PPP2R1B: variants seen among roughly 807,000 people sequenced by gnomAD.
PPP2R1B encodes the protein serine/threonine-protein phosphatase 2A 65 kDa regulatory subunit A beta isoform.
Under a neutral mutation model 72.7 loss-of-function variants are expected in PPP2R1B, and 58 were observed. That is an observed-to-expected ratio of 0.80 (90% CI 0.65 to 0.99). The LOEUF (loss-of-function observed/expected upper bound fraction) is 0.99. PPP2R1B is among the 50% of genes least tolerant of loss of function. The pLI is 0.00. For synonymous variants in PPP2R1B, 256 were observed against 264.6 expected, an observed-to-expected ratio of 0.97 and a Z score of 0.32; for missense variants, 695 against 733.6, an observed-to-expected ratio of 0.95 and a Z score of 0.61.
chr11:111,761,006 C>T lies in PPP2R1B; in HGVS notation c.352G>A (p.Asp118Asn). 6.2e-7 allele frequency: 1 copy of T among 1,614,184 alleles called. No individual in the cohort carries two copies. The highest frequency in any genetic ancestry group is 8.5e-7 in the Non-Finnish European group (1 of 1,180,036). The change falls in exon 4 of 15, where the codon GAC (aspartate) becomes AAC (asparagine). Residue 118 changes from aspartate (D) to asparagine (N), a missense_variant. Coordinates refer to ENST00000527614, the MANE Select transcript of PPP2R1B (RefSeq NM_002716.5). ...TGTCTCAGGGACTCCACAGCCTTGT[C>T]ACGAACAACAGTCTCTTCCACAGTT... Reference protein sequence around the residue: ...LATVEETVVRDKAVESLRQIS... With the variant: ...LATVEETVVRNKAVESLRQIS...
chr11:111,739,918 A>G lies in PPP2R1B; in HGVS notation c.*1678T>C. ...CTATAAGGTAATTTGGCAGTTTAAA[A>G]TGCAGACAGATAACCTCTGATTTAC... On this transcript the variant is annotated 3_prime_UTR_variant, in exon 15 of 15. Transcript: ENST00000527614. 1.0e-6 allele frequency: 1 copy of G among 981,234 alleles called. No individual in the cohort carries two copies. Among genetic ancestry groups the G allele is most frequent in the Non-Finnish European group, 1.2e-6 (1 of 826,090 alleles). 60.8% of individuals were successfully genotyped at this position (981,234 alleles called of 1,614,324 possible). A position where few individuals can be genotyped will look rare whatever the true frequency, so the allele number is the denominator to read the frequency against.
At chr11:111,731,286 G>A (rs568456944) in intron 15 of PPP2R1B, among the ~76,000 whole-genome samples, 1 of 152,368 alleles carries the variant, frequency 6.6e-6, no homozygotes, top group East Asian at 1.9e-4. Context: ...GGAAATGGGA[G>A]GGGAGGTGCT....
At chr11:111,692,156 G>T in the PPP2R1B span, among the ~76,000 whole-genome samples, 3 of 151,700 alleles carry the variant, frequency 2.0e-5, no homozygotes, top group Non-Finnish European at 1.5e-5. Context: ...TTCGAGACCA[G>T]CCTGGGCAAC....
At position 111,759,660 on chromosome 11, in the gene PPP2R1B, C is replaced by G. The variant is rs1166613805; in HGVS notation, c.687+144G>C. ...AGAAACATAAGAACATTGAGATAAG[C>G]ATGTTACACTTTAACCAGGCCAGAA... On this transcript the variant is annotated intron_variant, in intron 5 of 14. Coordinates refer to ENST00000527614, the MANE Select transcript of PPP2R1B (RefSeq NM_002716.5). The G allele has an allele frequency of 3.7e-6, 3 of 804,394 alleles. No individual in the cohort carries two copies. In the African/African-American group the frequency reaches 5.3e-5, roughly 14 times the overall value. 49.8% of individuals were successfully genotyped at this position (804,394 alleles called of 1,614,324 possible).
intron 11 of PPP2R1B, among the ~76,000 whole-genome samples, 171 bp downstream of exon 11, chr11:111,747,783 T>C (rs45525033): frequency 1.2e-4 from 19 of 152,294 alleles, no homozygotes; most frequent in Admixed American, 5.2e-4. Flanking sequence ...ATACAAAAAA[T>C]TGGTAGAAAC....
intron 15 of PPP2R1B, among the ~76,000 whole-genome samples, chr11:111,732,346 C>G (rs1944220274): frequency 6.6e-6 from 1 of 152,186 alleles, no homozygotes; most frequent in African/African-American, 2.4e-5. Flanking sequence ...CCGAGGCCCC[C>G]CTCCCCACCA....
At chr11:111,704,017 A>C in the PPP2R1B span, among the ~76,000 whole-genome samples, 1 of 152,226 alleles carries the variant, frequency 6.6e-6, no homozygotes, top group Non-Finnish European at 1.5e-5. Flanking sequence ...TACGATAGTA[A>C]AAAAGCAAAC....
At chr11:111,721,656 A>G in the PPP2R1B span, among the ~76,000 whole-genome samples, 8 of 152,304 alleles carry the variant, frequency 5.3e-5, no homozygotes, top group South Asian at 1.0e-3. Context: ...ACATGCATAA[A>G]TGTTCTGCAG....
At chr11:111,700,249 C>T in the PPP2R1B span, among the ~76,000 whole-genome samples, 1 of 152,046 alleles carries the variant, frequency 6.6e-6, no homozygotes, top group African/African-American at 2.4e-5. Context: ...ACTATAATGC[C>T]ACTGCGATCC....
chr11:111,696,228 G>A, the PPP2R1B span, among the ~76,000 whole-genome samples: 1 of 152,158 alleles, frequency 6.6e-6, no homozygotes, highest in Non-Finnish European at 1.5e-5. Context: ...AATGCAATGT[G>A]GAATCCCTGA....
At chr11:111,761,650 G>A (rs530618664) in intron 3 of PPP2R1B, among the ~76,000 whole-genome samples, 59 of 152,198 alleles carry the variant, frequency 3.9e-4, no homozygotes, top group Non-Finnish European at 7.5e-4. Flanking sequence ...GTTTCTGACA[G>A]AACAATCAAG....
chr11:111,757,098 A>G (rs1555049948), intron 5 of PPP2R1B, among the ~76,000 whole-genome samples: 1 of 151,296 alleles, frequency 6.6e-6, no homozygotes, highest in African/African-American at 2.4e-5. Context: ...TGGGTGACAG[A>G]GCAAAACTCC....
At chr11:111,700,711 A>G in the PPP2R1B span, among the ~76,000 whole-genome samples, 1 of 152,296 alleles carries the variant, frequency 6.6e-6, no homozygotes, top group Admixed American at 6.5e-5. Flanking sequence ...CTTGAGTACT[A>G]TTTGCTAGTC....
intron 5 of PPP2R1B, among the ~76,000 whole-genome samples, chr11:111,756,939 C>A (rs949367274): frequency 6.6e-6 from 1 of 151,926 alleles, no homozygotes; most frequent in African/African-American, 2.4e-5. Context: ...CATGGTGAAA[C>A]CCCATCTCTA....
rs781873220 is a variant in PPP2R1B, at chr11:111,766,382, T to G, written c.-21A>C. On this transcript the variant is annotated 5_prime_UTR_variant, in exon 1 of 15. Coordinates refer to ENST00000527614, the MANE Select transcript of PPP2R1B (RefSeq NM_002716.5). The stretch of plus-strand genomic sequence containing the variant: ...GCCATGTTCTTTCTCCTCCTGCTGC[T>G]GGTCACCGCCTCCCGCCCCGCGCCC... 2 of 448,438 alleles carry G rather than the reference T, an allele frequency of 4.5e-6. No homozygotes were observed. The highest frequency in any genetic ancestry group is 2.4e-5 in the South Asian group (1 of 42,552). The allele number at this position is 448,438 out of a possible 1,614,324, so 27.8% of individuals were successfully genotyped here.
chr11:111,720,112 T>G, the PPP2R1B span: 1 of 1,049,190 alleles, frequency 9.5e-7, no homozygotes, highest in South Asian at 1.5e-5. Flanking sequence ...AGTCGATAGC[T>G]TATTCCTTTA....
At chr11:111,727,154 C>T (rs1943999153) in intron 15 of PPP2R1B, 2 of 918,594 alleles carry the variant, frequency 2.2e-6, no homozygotes, top group Non-Finnish European at 3.5e-6. Flanking sequence ...CTCGCCACCT[C>T]TGCCTGCACT....
At chr11:111,701,405 G>T in the PPP2R1B span, 1 of 1,593,600 alleles carries the variant, frequency 6.3e-7, no homozygotes, top group South Asian at 1.1e-5. The surrounding 1 kb of genome is among the most constrained non-coding windows in gnomAD (Gnocchi z 4.2). Flanking sequence ...AACAAAGAGT[G>T]TTTGACGTTC....
downstream of PPP2R1B, among the ~76,000 whole-genome samples, chr11:111,736,965 C>T (rs1944357179): frequency 6.6e-6 from 1 of 152,216 alleles, no homozygotes; most frequent in African/African-American, 2.4e-5. Flanking sequence ...GCTTTTCACA[C>T]CATTTCCACA....
Sources: allele counts gnomAD v4.1 joint callset (sites outside exome capture counted in the v4.1 genomes callset), GRCh38; gene constraint gnomAD v4.1.1; non-coding constraint Gnocchi (gnomAD v3.1); transcripts MANE v1.5; gene names NCBI Gene and HGNC (gene_info 2026-07-23, HGNC 2026-07-21).